The following FAF2 variants were observed in gnomAD, a reference collection of about 807,000 sequenced individuals.
FAF2 encodes Fas associated factor family member 2.
A neutral mutation model predicts 62.3 loss-of-function variants in FAF2; 9 were observed. The ratio of observed to expected loss-of-function variants is 0.14; its 90% confidence interval spans 0.09 to 0.25. FAF2 has a LOEUF of 0.25. FAF2 is among the 10% of genes least tolerant of loss of function. The pLI is 1.00. For missense variants in FAF2, 368 were observed against 556.2 expected, an observed-to-expected ratio of 0.66 and a Z score of 3.40; for synonymous variants, 202 against 198.0, an observed-to-expected ratio of 1.02 and a Z score of -0.17.
chr5:176,476,833 G>A (rs1249017863), intron 1 of FAF2, among the ~76,000 whole-genome samples: 1 of 119,042 alleles, frequency 8.4e-6, no homozygotes, highest in African/African-American at 3.4e-5. Context: ...TTTTTGAGAT[G>A]GAGTCTTCCT....
chr5:176,465,297 T>C (rs577480531), intron 1 of FAF2, among the ~76,000 whole-genome samples: 1 of 152,264 alleles, frequency 6.6e-6, no homozygotes, highest in Non-Finnish European at 1.5e-5. Context: ...AACAGTTTTA[T>C]ATACGTCTGT....
rs565104935 is a variant in FAF2 at position 176,504,971 on chromosome 5, C to T, written c.1156-1797C>T. Among the ~76,000 whole-genome samples, 4 of 148,396 alleles carry T rather than the reference C, an allele frequency of 2.7e-5. No individual in the cohort carries two copies. The South Asian group carries it at 6.4e-4, about 24-fold the overall frequency. On this transcript the variant is annotated intron_variant, in intron 10 of 10. Coordinates refer to ENST00000261942, the MANE Select transcript of FAF2 (RefSeq NM_014613.3). ...CTGGGAGGTCGAGGCTGCAGTGAGT[C>T]GTGTTTGCACCACTGCACTCCAGCC...
chr5:176,488,920 AT>A (rs769949291), intron 3 of FAF2, 30 bp from the exon 4 acceptor site: 27 of 1,563,952 alleles, frequency 1.7e-5, no homozygotes, highest in Non-Finnish European at 2.3e-5. Context: ...GATTGAGAGA[AT>A]TGTCTCTAAC....
chr5:176,496,426 TA>T, intron 7 of FAF2, 59 bp from the exon 8 acceptor site: 1 of 1,390,660 alleles, frequency 7.2e-7, no homozygotes, highest in Non-Finnish European at 9.7e-7. Flanking sequence ...GTGGAAAGTC[TA>T]AGGGTTGATC....
At position 176,474,287 on chromosome 5, in the gene FAF2, C is replaced by A. The variant is rs145253551; in HGVS notation, c.64-4901C>A. 2.2e-3 allele frequency among the ~76,000 whole-genome samples: 336 copies of A among 152,278 alleles called. 2 individuals carry two copies. Among genetic ancestry groups the A allele is most frequent in the African/African-American group, 7.8e-3 (326 of 41,554 alleles). ...AAAACTGGCTTTCATCATTCACCAT[C>A]TTTTTACTTAATTGTTCAAATCTGG... On this transcript the variant is annotated intron_variant, in intron 1 of 10. Coordinates refer to ENST00000261942, the MANE Select transcript of FAF2 (RefSeq NM_014613.3).
At chr5:176,476,215 G>T (rs1253851904) in intron 1 of FAF2, among the ~76,000 whole-genome samples, 1 of 152,020 alleles carries the variant, frequency 6.6e-6, no homozygotes, top group Non-Finnish European at 1.5e-5. Flanking sequence ...AGCCAAGATC[G>T]TTCCACTGCA....
intron 7 of FAF2, among the ~76,000 whole-genome samples, chr5:176,496,141 C>A (rs750701976): frequency 2.8e-4 from 43 of 152,072 alleles, no homozygotes; most frequent in Admixed American, 9.8e-4. Flanking sequence ...TAGTCAAGCA[C>A]CTAGGGATAG....
chr5:176,449,206 TGGA>T, intron 1 of FAF2, among the ~76,000 whole-genome samples: 3 of 152,322 alleles, frequency 2.0e-5, no homozygotes, highest in African/African-American at 7.2e-5. Context: ...GGAGAATGGT[TGGA>T]GGATACCACT....
At chr5:176,454,225 T>C (rs541502895) in intron 1 of FAF2, among the ~76,000 whole-genome samples, 114 of 151,544 alleles carry the variant, frequency 7.5e-4, no homozygotes, top group Non-Finnish European at 1.1e-3. Context: ...AAACCCCGTA[T>C]CTACTGAAAA....
At chr5:176,500,729 C>T (rs1490804282) in intron 10 of FAF2, among the ~76,000 whole-genome samples, 1 of 152,194 alleles carries the variant, frequency 6.6e-6, no homozygotes, top group East Asian at 1.9e-4. Context: ...AAGAGCCTCA[C>T]AGCATGAGGA....
At chr5:176,470,517 T>C (rs368511666) in intron 1 of FAF2, among the ~76,000 whole-genome samples, 3 of 152,348 alleles carry the variant, frequency 2.0e-5, no homozygotes, top group South Asian at 2.1e-4. Context: ...GTGGAGGTTG[T>C]GGTGAGCCAA....
At chr5:176,472,529 T>C (rs1217114629) in intron 1 of FAF2, among the ~76,000 whole-genome samples, 1 of 151,996 alleles carries the variant, frequency 6.6e-6, no homozygotes, top group Non-Finnish European at 1.5e-5. Context: ...GTGATCCTCT[T>C]ACCTTGGCCT....
chr5:176,473,171 C>T (rs1233987808), intron 1 of FAF2, among the ~76,000 whole-genome samples: 1 of 152,060 alleles, frequency 6.6e-6, no homozygotes, highest in Non-Finnish European at 1.5e-5. Flanking sequence ...TTCCAGGATC[C>T]CATTTAGGGT....
intron 1 of FAF2, among the ~76,000 whole-genome samples, chr5:176,469,400 T>G (rs971296707): frequency 6.6e-6 from 1 of 152,246 alleles, no homozygotes; most frequent in Non-Finnish European, 1.5e-5. Context: ...AAACATTATT[T>G]TATTGCTGAG....
chr5:176,502,192 G>A (rs1755603633), intron 10 of FAF2, among the ~76,000 whole-genome samples: 1 of 152,188 alleles, frequency 6.6e-6, no homozygotes, highest in Non-Finnish European at 1.5e-5. Context: ...GTTTGTGTAT[G>A]TATTTTAGCT....
chr5:176,504,584 A>C (rs1359248416), intron 10 of FAF2, among the ~76,000 whole-genome samples: 1 of 148,916 alleles, frequency 6.7e-6, no homozygotes, highest in Admixed American at 6.7e-5. Flanking sequence ...ACTCCATCTC[A>C]AAAAAAAAAG....
chr5:176,463,863 A>G (rs1180161003), intron 1 of FAF2, among the ~76,000 whole-genome samples: 3 of 150,348 alleles, frequency 2.0e-5, no homozygotes, highest in Admixed American at 6.7e-5. Context: ...CTGTGTAGCT[A>G]GGATTACAGG....
At chr5:176,490,416 C>G (rs887067816) in intron 4 of FAF2, among the ~76,000 whole-genome samples, 13 of 152,026 alleles carry the variant, frequency 8.6e-5, no homozygotes, top group African/African-American at 2.9e-4. Flanking sequence ...TTATGGGGAA[C>G]TTAAATGTTC....
At chr5:176,497,649 G>A (rs1300392725) in intron 8 of FAF2, among the ~76,000 whole-genome samples, 1 of 152,054 alleles carries the variant, frequency 6.6e-6, no homozygotes, top group African/African-American at 2.4e-5. Context: ...TTAGCATATA[G>A]GGAGATAATT....
Sources: gnomAD v4.1 joint callset for allele counts (sites outside exome capture counted in the v4.1 genomes callset) on GRCh38, gnomAD v4.1.1 for gene constraint, MANE v1.5 for transcripts, NCBI Gene and HGNC (gene_info 2026-07-23, HGNC 2026-07-21) for gene names.